CRHBP: variants seen among roughly 807,000 people sequenced by gnomAD.
The protein encoded by CRHBP is corticotropin-releasing hormone-binding protein.
A neutral mutation model predicts 34.9 loss-of-function variants in CRHBP; 19 were observed. The observed-to-expected ratio is 0.55, with a 90% confidence interval of 0.38 to 0.80. CRHBP has a LOEUF of 0.80. CRHBP is among the 30% of genes least tolerant of loss of function. CRHBP has a pLI of 0.00. For synonymous variants in CRHBP, 154 were observed against 153.4 expected (o/e 1.00, Z -0.03); for missense variants, 328 against 409.2 (o/e 0.80, Z 1.71).
At chr5:76,971,369 G>A (rs943514975), downstream of CRHBP, among the ~76,000 whole-genome samples, 13 of 152,224 alleles carry the variant, frequency 8.5e-5, no homozygotes, top group Admixed American at 7.9e-4. Context: ...CTCAAGACCT[G>A]TGTCTCACAT....
In CRHBP at chr5:76,963,339, T is replaced by A. The variant is rs1745810989; in HGVS notation, c.694-4T>A. On this transcript the variant is annotated splice_polypyrimidine_tract_variant and splice_region_variant and intron_variant, in intron 5 of 6. Coordinates refer to ENST00000274368, the MANE Select transcript of CRHBP (RefSeq NM_001882.4). ...TGTCTTTCTCTGCTGCTTTATTCCC[T>A]TAGAAATCCTCAGCAGGTTGCGAGG... The A allele has an allele frequency of 6.2e-7, 1 of 1,612,808 alleles. No homozygotes were observed. Among genetic ancestry groups the A allele is most frequent in the Non-Finnish European group, 8.5e-7 (1 of 1,178,974 alleles).
chr5:76,965,139 G>T (rs548550459), intron 6 of CRHBP, among the ~76,000 whole-genome samples: 144 of 152,244 alleles, frequency 9.5e-4, no homozygotes, highest in African/African-American at 3.4e-3. Context: ...AGTTTACATG[G>T]AAATAGGTAA....
At chr5:76,962,682 A>G (rs1745798368) in intron 5 of CRHBP, among the ~76,000 whole-genome samples, 1 of 151,940 alleles carries the variant, frequency 6.6e-6, no homozygotes, top group South Asian at 2.1e-4. Flanking sequence ...ACAAAGCTTT[A>G]GAATGAATTC....
chr5:76,956,473 C>T (rs547250524), intron 4 of CRHBP, among the ~76,000 whole-genome samples: 128 of 152,348 alleles, frequency 8.4e-4, no homozygotes, highest in Middle Eastern at 6.8e-3. Flanking sequence ...CGGTGGCTCA[C>T]GCCTGTAATC....
downstream of CRHBP, among the ~76,000 whole-genome samples, chr5:76,971,783 T>C (rs1456649196): frequency 6.6e-6 from 1 of 152,200 alleles, no homozygotes; most frequent in Non-Finnish European, 1.5e-5. Context: ...TTGTCTGGAC[T>C]ATCTGCCCTT....
At chr5:76,967,608 ATTCT>A (rs199647745) in intron 6 of CRHBP, among the ~76,000 whole-genome samples, 2,044 of 152,330 alleles carry the variant, frequency 0.013, 39 homozygotes, top group African/African-American at 0.046. Context: ...AAGGAAAGTA[ATTCT>A]TAATAAAAGT....
At chr5:76,973,182 A>G (rs116685207), downstream of CRHBP, among the ~76,000 whole-genome samples, 1 of 152,354 alleles carries the variant, frequency 6.6e-6, no homozygotes, top group Non-Finnish European at 1.5e-5. Flanking sequence ...ACTTCATACA[A>G]TGGGCCTGTC....
chr5:76,953,485 A>G, intron 1 of CRHBP, 116 bp from the exon 2 acceptor site: 1 of 1,102,474 alleles, frequency 9.1e-7, no homozygotes, highest in Non-Finnish European at 1.4e-6. Flanking sequence ...ACGGGAAAAC[A>G]TTACCCCTCT....
intron 4 of CRHBP, among the ~76,000 whole-genome samples, chr5:76,956,359 C>T (rs533424913): frequency 1.3e-5 from 2 of 152,290 alleles, no homozygotes; most frequent in East Asian, 3.9e-4. Context: ...CTGAGCCCAC[C>T]ACTCTAATTC....
chr5:76,968,152 A>G (rs540847144), intron 6 of CRHBP, among the ~76,000 whole-genome samples: 1 of 151,694 alleles, frequency 6.6e-6, no homozygotes, highest in East Asian at 1.9e-4. Context: ...TTGTTTATGT[A>G]TAAAACAGTT....
At chr5:76,956,198 G>T (rs1174817372) in intron 4 of CRHBP, among the ~76,000 whole-genome samples, 1 of 152,148 alleles carries the variant, frequency 6.6e-6, no homozygotes, top group Non-Finnish European at 1.5e-5. Flanking sequence ...GGATAAGCTT[G>T]AGTGATCAGA....
chr5:76,977,988 G>A (rs998019222), intron 3 of CRHBP, among the ~76,000 whole-genome samples: 4 of 152,214 alleles, frequency 2.6e-5, no homozygotes, highest in African/African-American at 9.6e-5. Context: ...TACATAAACA[G>A]CCACAGCGTT....
Position 76,954,051 on chromosome 5 carries a change from C to G in CRHBP, c.198C>G (p.Leu66=). The G allele has an allele frequency of 6.2e-7, 1 of 1,613,810 alleles. No homozygotes were observed. The highest frequency in any genetic ancestry group is 8.5e-7 in the Non-Finnish European group (1 of 1,179,884). Residue 66 remains leucine, a synonymous_variant, in exon 3 of 7, where the codon CTC becomes CTG. Coordinates refer to ENST00000274368, the MANE Select transcript of CRHBP (RefSeq NM_001882.4). ...RALRCLDMLS[L]QGQFTFTADR... is the part of the protein sequence containing the mutation. Reference sequence around the variant, plus strand: ...CAGGGTGCCTGGACATGCTGAGCCTCCAGGGCCAGTTCACCTTCACCGCCG... The same window carrying G: ...CAGGGTGCCTGGACATGCTGAGCCTGCAGGGCCAGTTCACCTTCACCGCCG...
At chr5:76,972,270 C>T (rs190288938), downstream of CRHBP, among the ~76,000 whole-genome samples, 363 of 152,128 alleles carry the variant, frequency 2.4e-3, 2 homozygotes, top group African/African-American at 8.2e-3. Context: ...GAGGCCGAGG[C>T]AGGCTGATTG....
chr5:76,963,490 T>C, intron 6 of CRHBP, 30 bp downstream of exon 6: 3 of 1,552,034 alleles, frequency 1.9e-6, no homozygotes, highest in Non-Finnish European at 2.7e-6. Context: ...GTTATGTATG[T>C]GCCTATCAAG....
chr5:76,978,009 A>G (rs1042596019), intron 3 of CRHBP, among the ~76,000 whole-genome samples: 1 of 152,230 alleles, frequency 6.6e-6, no homozygotes, highest in African/African-American at 2.4e-5. Flanking sequence ...CCTTTAAGCC[A>G]AAACCTAATC....
chr5:76,963,524 C>A, intron 6 of CRHBP, 64 bp downstream of exon 6: 1 of 1,394,032 alleles, frequency 7.2e-7, no homozygotes. Context: ...AAGCACTCCC[C>A]TAATATTTTC....
In CRHBP at chr5:76,959,062, A is replaced by G; in HGVS notation, c.693+173A>G. ...GCTGCTTTGACTAACCCCCTCTTCT[A>G]TTTCAGTTATGCGGCAAGTTGCATA... On this transcript the variant is annotated intron_variant, in intron 5 of 6. Transcript: ENST00000274368. 3 of 574,256 alleles carry G rather than the reference A, an allele frequency of 5.2e-6. No homozygotes were observed. The East Asian group carries it at 9.3e-5, about 18-fold the overall frequency. The allele number at this position is 574,256 out of a possible 1,614,324, so 35.6% of individuals were successfully genotyped here.
intron 6 of CRHBP, among the ~76,000 whole-genome samples, chr5:76,963,753 C>G (rs1407721655): frequency 6.6e-6 from 1 of 152,064 alleles, no homozygotes; most frequent in African/African-American, 2.4e-5. Context: ...TCTCTGCTTT[C>G]ATTTTCTAGA....
Sources: allele counts gnomAD v4.1 joint callset (sites outside exome capture counted in the v4.1 genomes callset), GRCh38; gene constraint gnomAD v4.1.1; transcripts MANE v1.5; gene names NCBI Gene and HGNC (gene_info 2026-07-23, HGNC 2026-07-21).